GPM6A: variants seen among roughly 807,000 people sequenced by gnomAD.
The protein encoded by GPM6A is neuronal membrane glycoprotein M6-a.
Under a neutral mutation model 32.1 loss-of-function variants are expected in GPM6A, and 7 were observed. The observed-to-expected ratio is 0.22, with a 90% CI of 0.12 to 0.41. The LOEUF is 0.41. GPM6A is among the 10% of genes least tolerant of loss of function. The pLI is 1.00. For synonymous variants in GPM6A, 130 were observed against 123.4 expected (o/e 1.05, Z -0.35); for missense variants, 235 against 347.2 (o/e 0.68, Z 2.57).
chr4:175,718,911 A>T (rs547912577), intron 1 of GPM6A, among the ~76,000 whole-genome samples: 1 of 152,218 alleles, frequency 6.6e-6, no homozygotes, highest in Non-Finnish European at 1.5e-5. Flanking sequence ...AATACTGATT[A>T]TGAATTCAAG....
chr4:175,788,271 AG>A (rs968968408), intron 1 of GPM6A, among the ~76,000 whole-genome samples: 7 of 152,196 alleles, frequency 4.6e-5, no homozygotes, highest in African/African-American at 1.7e-4. Context: ...GAATAAACAA[AG>A]GAGGATGAAA....
At chr4:175,945,536 TGTAA>T (rs1043707184) in intron 1 of GPM6A, among the ~76,000 whole-genome samples, 40 of 151,840 alleles carry the variant, frequency 2.6e-4, no homozygotes, top group African/African-American at 6.3e-4. Context: ...ATTACTTAGT[TGTAA>T]GTAATACGCA....
intron 1 of GPM6A, among the ~76,000 whole-genome samples, chr4:175,821,320 C>T (rs1248391007): frequency 6.6e-6 from 1 of 152,054 alleles, no homozygotes; most frequent in Non-Finnish European, 1.5e-5. Context: ...ACTCATTTGC[C>T]CACAGTATTG....
At chr4:175,733,066 C>A (rs1035750956) in intron 1 of GPM6A, among the ~76,000 whole-genome samples, 1 of 152,056 alleles carries the variant, frequency 6.6e-6, no homozygotes, top group African/African-American at 2.4e-5. Context: ...TGTTACTTTC[C>A]TCATGAAGTT....
intron 1 of GPM6A, among the ~76,000 whole-genome samples, chr4:175,930,261 A>G (rs1738983801): frequency 2.6e-5 from 4 of 152,140 alleles, no homozygotes; most frequent in Admixed American, 2.6e-4. Context: ...AGCAGTTTCA[A>G]AACAAAACTG....
chr4:175,924,516 G>T (rs1738768753), intron 1 of GPM6A, among the ~76,000 whole-genome samples: 1 of 152,086 alleles, frequency 6.6e-6, no homozygotes, highest in Non-Finnish European at 1.5e-5. Context: ...GGGAAATCAA[G>T]GCTGAGTGCT....
chr4:175,650,278 ATTTATTTATTTATTTATTTATT>A (rs1017150095), intron 4 of GPM6A, among the ~76,000 whole-genome samples: 1 of 8,146 alleles, frequency 1.2e-4, no homozygotes, highest in Non-Finnish European at 1.2e-3. Flanking sequence ...TATTTTATTT[ATTTATTTATTTATTTATTTATT>A]TATTTATTTA....
chr4:175,925,257 A>G (rs575416280), intron 1 of GPM6A, among the ~76,000 whole-genome samples: 1 of 152,292 alleles, frequency 6.6e-6, no homozygotes, highest in East Asian at 1.9e-4. Context: ...GTGGAGTGCG[A>G]CTTTGCATTT....
chr4:175,939,935 A>C (rs535639668), intron 1 of GPM6A, among the ~76,000 whole-genome samples: 9 of 152,316 alleles, frequency 5.9e-5, no homozygotes, highest in Non-Finnish European at 1.3e-4. Flanking sequence ...TCCAGACTAC[A>C]TATAATATTT....
At chr4:175,784,334 G>A (rs539465651) in intron 1 of GPM6A, among the ~76,000 whole-genome samples, 2 of 152,182 alleles carry the variant, frequency 1.3e-5, no homozygotes, top group East Asian at 1.9e-4. Flanking sequence ...GGAAACTAAC[G>A]CAACAATAGT....
In GPM6A at chr4:175,640,806, T is replaced by G; in HGVS notation, c.565A>C (p.Lys189Gln). ...TTCTCAGAGACAGTACAAATTTTCT[T>G]TTCCTCTCCAATTGTCACAATTCCT... ...QFGIVTIGEE[K>Q]KICTVSENFL... is the part of the protein sequence containing the mutation. The change falls in exon 5 of 7, where the codon AAG becomes CAG. Residue 189 changes from lysine (K) to glutamine (Q), a missense_variant. Lys to Gln is a moderately conservative substitution (Grantham distance 53, BLOSUM62 1). Coordinates refer to ENST00000393658, the MANE Select transcript of GPM6A (RefSeq NM_201591.3). The G allele has an allele frequency of 6.2e-7, 1 of 1,607,892 alleles. No homozygotes were observed. Among genetic ancestry groups the G allele is most frequent in the Non-Finnish European group, 8.5e-7 (1 of 1,174,776 alleles).
At chr4:175,945,263 T>C (rs770912237) in intron 1 of GPM6A, among the ~76,000 whole-genome samples, 2 of 152,208 alleles carry the variant, frequency 1.3e-5, no homozygotes, top group Non-Finnish European at 2.9e-5. Context: ...TATCACTAGA[T>C]AAGCTGTGTA....
chr4:175,805,227 A>G (rs1287768822), intron 1 of GPM6A, among the ~76,000 whole-genome samples: 1 of 152,166 alleles, frequency 6.6e-6, no homozygotes, highest in Non-Finnish European at 1.5e-5. Context: ...TTGTTGCATA[A>G]AACAACAATC....
intron 1 of GPM6A, among the ~76,000 whole-genome samples, chr4:175,724,155 C>G (rs113650083): frequency 0.035 from 5,373 of 152,224 alleles, 158 homozygotes; most frequent in South Asian, 0.12. Flanking sequence ...TCATTTGCAA[C>G]GACATGGATG....
intron 1 of GPM6A, among the ~76,000 whole-genome samples, chr4:175,918,543 A>T (rs1049745482): frequency 6.6e-6 from 1 of 152,182 alleles, no homozygotes; most frequent in Non-Finnish European, 1.5e-5. Flanking sequence ...TCTGGAAAAT[A>T]TCTTAAATTA....
chr4:175,729,613 C>A (rs1451541315), intron 1 of GPM6A, among the ~76,000 whole-genome samples: 3 of 151,782 alleles, frequency 2.0e-5, no homozygotes, highest in Admixed American at 2.0e-4. Context: ...TTGTTTGGAA[C>A]AAAAAGTATA....
At chr4:175,970,445 T>C (rs558611515) in intron 1 of GPM6A, among the ~76,000 whole-genome samples, 5 of 152,304 alleles carry the variant, frequency 3.3e-5, no homozygotes, top group Middle Eastern at 3.4e-3. Context: ...ACAATAGACT[T>C]TGTAATACGT....
intron 1 of GPM6A, among the ~76,000 whole-genome samples, chr4:175,926,980 C>A (rs1353801245): frequency 6.6e-6 from 1 of 152,134 alleles, no homozygotes; most frequent in Admixed American, 6.5e-5. Context: ...GGTGCCCATG[C>A]TGTTAATAAA....
intron 1 of GPM6A, among the ~76,000 whole-genome samples, chr4:175,938,607 T>C (rs4690421): frequency 0.63 from 94,972 of 151,736 alleles, 32,573 homozygotes; most frequent in East Asian, 0.76. Flanking sequence ...TGTTTTTTTC[T>C]TGTAAATTTG....
Sources: gnomAD v4.1 joint callset for allele counts (sites outside exome capture counted in the v4.1 genomes callset) on GRCh38, gnomAD v4.1.1 for gene constraint, MANE v1.5 for transcripts, NCBI Gene and HGNC (gene_info 2026-07-23, HGNC 2026-07-21) for gene names.